PHIP: variants seen among roughly 807,000 people sequenced by gnomAD.
The protein encoded by PHIP is PHIP subunit of CUL4-Ring ligase complex, also known as PH-interacting protein.
Under a neutral mutation model 236.8 loss-of-function variants are expected in PHIP, and 54 were observed. The ratio of observed to expected loss-of-function variants is 0.23; its 90% CI spans 0.18 to 0.29. PHIP has a LOEUF of 0.29. Among genes scored for constraint, PHIP ranks in the 10% least tolerant of loss-of-function variants. The probability of loss-of-function intolerance (pLI) is 1.00; values close to 1 mark genes in which losing one functional copy is unlikely to be tolerated. For missense variants in PHIP, 1,370 were observed against 2,190.8 expected, an observed-to-expected ratio of 0.63 and a Z score of 7.48; for synonymous variants, 756 against 718.9, an observed-to-expected ratio of 1.05 and a Z score of -0.83.
chr6:78,984,165 T>A (rs1768722207), intron 22 of PHIP, among the ~76,000 whole-genome samples: 1 of 152,168 alleles, frequency 6.6e-6, no homozygotes, highest in Non-Finnish European at 1.5e-5. Flanking sequence ...GTCCAAATGT[T>A]CTTTATAAGC....
At chr6:78,960,231 A>C (rs555421852) in intron 31 of PHIP, among the ~76,000 whole-genome samples, 13 of 152,284 alleles carry the variant, frequency 8.5e-5, no homozygotes, top group African/African-American at 3.1e-4. Flanking sequence ...TACTTTAGCA[A>C]TTATCATGTT....
rs929700466 is a variant in PHIP at position 79,001,896 on chromosome 6, T to C, written c.1879+3A>G. The C allele has an allele frequency of 1.8e-5, 29 of 1,586,328 alleles. No homozygotes were observed. The highest frequency in any genetic ancestry group is 2.3e-5 in the Non-Finnish European group (27 of 1,155,276). Reference sequence around the variant, plus strand: ...TTGATTGTCTAAGAAAATGAGCACCTACCTGAGGAAGTTACTCCCATCTGA... The same window carrying C: ...TTGATTGTCTAAGAAAATGAGCACCCACCTGAGGAAGTTACTCCCATCTGA... On this transcript the variant is annotated splice_donor_region_variant and intron_variant, in intron 17 of 39. Coordinates refer to ENST00000275034, the MANE Select transcript of PHIP (RefSeq NM_017934.7).
In PHIP at chr6:79,058,268, G is replaced by A. The variant is rs776428878; in HGVS notation, c.439+2210C>T. Among the ~76,000 whole-genome samples the A allele has an allele frequency of 7.0e-4, 106 of 152,074 alleles. 1 individual carries two copies. Among genetic ancestry groups the A allele is most frequent in the East Asian group, 3.9e-4 (2 of 5,164 alleles). On this transcript the variant is annotated intron_variant, in intron 6 of 39. Coordinates refer to ENST00000275034, the MANE Select transcript of PHIP (RefSeq NM_017934.7). ...AAAACCCAAGGTATTTTTGCCATACGTATATATAGGGTTCTGTACCATCTG... is the reference window on the plus strand; with the variant it reads ...AAAACCCAAGGTATTTTTGCCATACATATATATAGGGTTCTGTACCATCTG...
chr6:78,984,937 C>A (rs925185762), intron 22 of PHIP, among the ~76,000 whole-genome samples: 9 of 152,134 alleles, frequency 5.9e-5, no homozygotes, highest in African/African-American at 2.2e-4. Context: ...CTGGTCTGGT[C>A]AAATAAGGTA....
At chr6:78,994,167 T>C (rs904734857) in intron 19 of PHIP, among the ~76,000 whole-genome samples, 7 of 152,208 alleles carry the variant, frequency 4.6e-5, no homozygotes, top group Admixed American at 3.3e-4. Context: ...AGTTGCATAA[T>C]AAAACTTTAA....
chr6:79,004,362 G>T, intron 15 of PHIP: 1 of 974,142 alleles, frequency 1.0e-6, no homozygotes, highest in Non-Finnish European at 1.2e-6. Context: ...TAAAGAAAAG[G>T]TTTTTTTTAC....
At chr6:79,034,470 C>T (rs1280086360) in intron 7 of PHIP, among the ~76,000 whole-genome samples, 1 of 152,114 alleles carries the variant, frequency 6.6e-6, no homozygotes, top group Non-Finnish European at 1.5e-5. Flanking sequence ...AGACACAGGG[C>T]CATGAATCAC....
At chr6:79,066,313 G>C (rs774316099) in intron 4 of PHIP, among the ~76,000 whole-genome samples, 4 of 151,974 alleles carry the variant, frequency 2.6e-5, no homozygotes, top group Non-Finnish European at 5.9e-5. Context: ...TGGTAAGTGT[G>C]GTAAGTTTTA....
chr6:79,041,889 G>C (rs1343419840), intron 7 of PHIP, among the ~76,000 whole-genome samples: 1 of 151,960 alleles, frequency 6.6e-6, no homozygotes, highest in East Asian at 1.9e-4. Context: ...CAGATGACTG[G>C]GTGTATGGAT....
In PHIP at chr6:79,045,468, C is replaced by T. The variant is rs147791614; in HGVS notation, c.440-2465G>A. ...TATCTCTCCTATCAGATCTTAAGTACCTTAAAGACAAAAATTCTCTTATAT... is the reference window on the plus strand; with the variant it reads ...TATCTCTCCTATCAGATCTTAAGTATCTTAAAGACAAAAATTCTCTTATAT... On this transcript the variant is annotated intron_variant, in intron 6 of 39. Transcript: ENST00000275034. Among the ~76,000 whole-genome samples, 63 of 152,064 alleles carry T rather than the reference C, an allele frequency of 4.1e-4. 1 individual carries two copies. The highest frequency in any genetic ancestry group is 1.4e-3 in the African/African-American group (59 of 41,482).
At position 78,937,654 on chromosome 6, in the gene PHIP, G is replaced by A. The variant is rs918130923; in HGVS notation, c.*3039C>T. 3 of 150,252 alleles carry A rather than the reference G, an allele frequency of 2.0e-5. No homozygotes were observed. Among genetic ancestry groups the A allele is most frequent in the African/African-American group, 7.2e-5 (3 of 41,448 alleles). The allele number at this position is 150,252 out of a possible 1,614,324, so 9.3% of individuals were successfully genotyped here. On this transcript the variant is annotated 3_prime_UTR_variant, in exon 40 of 40. Coordinates refer to ENST00000275034, the MANE Select transcript of PHIP (RefSeq NM_017934.7). ...CAGTCTTTAAATTTGTAGTGAAGTT[G>A]TGCAATAAAAACAATTGAAATAAGG...
At position 79,051,401 on chromosome 6, in the gene PHIP, T is replaced by C. The variant is rs565140498; in HGVS notation, c.440-8398A>G. ...GTCTACAAAAAAAGGAGGGCAGGTA[T>C]TGGGAATAGAAGAGTAAGGGGAAAT... On this transcript the variant is annotated intron_variant, in intron 6 of 39. Transcript: ENST00000275034. Among the ~76,000 whole-genome samples the C allele has an allele frequency of 2.3e-3, 346 of 152,212 alleles. 2 individuals carry two copies. The highest frequency in any genetic ancestry group is 1.9e-3 in the Non-Finnish European group (129 of 67,986).
At chr6:79,066,407 T>C (rs999066656) in intron 4 of PHIP, among the ~76,000 whole-genome samples, 1 of 152,164 alleles carries the variant, frequency 6.6e-6, no homozygotes, top group Non-Finnish European at 1.5e-5. Flanking sequence ...TTTAAAAAGA[T>C]ATTGAGACCT....
At chr6:79,058,076 TTAAAA>T (rs1165820759) in intron 6 of PHIP, among the ~76,000 whole-genome samples, 10 of 152,192 alleles carry the variant, frequency 6.6e-5, no homozygotes, top group African/African-American at 1.2e-4. Context: ...CAGGTGTTTC[TTAAAA>T]TAAAGCAAAG....
intron 19 of PHIP, among the ~76,000 whole-genome samples, chr6:78,994,326 T>G (rs965303496): frequency 6.6e-5 from 10 of 152,102 alleles, no homozygotes; most frequent in African/African-American, 2.4e-4. Flanking sequence ...GCCTGTAATC[T>G]CAGCACTTTG....
At chr6:79,017,676 T>C (rs1252062520) in intron 10 of PHIP, 93 bp from the exon 11 acceptor site, 6 of 801,606 alleles carry the variant, frequency 7.5e-6, no homozygotes, top group Admixed American at 6.8e-5. Flanking sequence ...TTACAGTATA[T>C]ACTGAATTAA....
At chr6:79,041,316 T>C (rs983810913) in intron 7 of PHIP, among the ~76,000 whole-genome samples, 6 of 152,170 alleles carry the variant, frequency 3.9e-5, no homozygotes, top group East Asian at 3.9e-4. Context: ...ACTCATGAGA[T>C]AGCAAAAAGC....
At chr6:79,055,108 C>T (rs572493078) in intron 6 of PHIP, among the ~76,000 whole-genome samples, 2 of 151,956 alleles carry the variant, frequency 1.3e-5, no homozygotes, top group South Asian at 4.2e-4. Flanking sequence ...AATAGCAAAC[C>T]TCCACAGACA....
chr6:79,075,427 A>C (rs1464342679), intron 4 of PHIP, among the ~76,000 whole-genome samples: 1 of 152,134 alleles, frequency 6.6e-6, no homozygotes, highest in African/African-American at 2.4e-5. Flanking sequence ...CTGTTCTAGT[A>C]AGGAGAAAAC....
Sources: gnomAD v4.1 joint callset for allele counts (sites outside exome capture counted in the v4.1 genomes callset) on GRCh38, gnomAD v4.1.1 for gene constraint, MANE v1.5 for transcripts, NCBI Gene and HGNC (gene_info 2026-07-23, HGNC 2026-07-21) for gene names.